Variants in NXPH1 observed in about 807,000 individuals in gnomAD.
NXPH1 encodes the protein neurexophilin-1.
NXPH1 carries 5 observed loss-of-function variants against 23.7 expected under a neutral mutation model. The observed-to-expected ratio is 0.21, with a 90% CI of 0.11 to 0.44. NXPH1 has a LOEUF of 0.44. NXPH1 is among the 20% of genes least tolerant of loss of function. NXPH1 has a pLI of 0.99. For missense variants in NXPH1, 324 were observed against 321.6 expected (o/e 1.01, Z -0.06); for synonymous variants, 144 against 122.2 (o/e 1.18, Z -1.18).
At chr7:8,530,381 G>A (rs1584214731) in intron 2 of NXPH1, among the ~76,000 whole-genome samples, 2 of 152,162 alleles carry the variant, frequency 1.3e-5, no homozygotes, top group Non-Finnish European at 2.9e-5. Context: ...TTGGTTCTAG[G>A]ACTAATTAGC....
intron 2 of NXPH1, among the ~76,000 whole-genome samples, chr7:8,662,194 A>ACACACG (rs1820688071): frequency 6.6e-6 from 1 of 151,206 alleles, no homozygotes. Flanking sequence ...ATATATACAC[A>ACACACG]CATATATATA....
chr7:8,674,203 A>ACC (rs1554264620), intron 2 of NXPH1, among the ~76,000 whole-genome samples: 38,094 of 115,120 alleles, frequency 0.33, 5,927 homozygotes, highest in Middle Eastern at 0.49. Context: ...ACACACACAC[A>ACC]CCTATGCAAT....
chr7:8,734,668 G>C (rs1360396760), intron 2 of NXPH1, among the ~76,000 whole-genome samples: 1 of 152,186 alleles, frequency 6.6e-6, no homozygotes, highest in Non-Finnish European at 1.5e-5. Flanking sequence ...TGTATATTCT[G>C]TTGATTTGGG....
intron 2 of NXPH1, among the ~76,000 whole-genome samples, chr7:8,703,727 C>T (rs1363010426): frequency 6.6e-6 from 1 of 152,062 alleles, no homozygotes; most frequent in African/African-American, 2.4e-5. Flanking sequence ...TCTTTAAACC[C>T]TTGTTTCAAA....
chr7:8,582,477 T>G (rs1343879693), intron 2 of NXPH1, among the ~76,000 whole-genome samples: 4 of 152,050 alleles, frequency 2.6e-5, no homozygotes. Flanking sequence ...AGCATGTAGC[T>G]CCTTTCTTCA....
At chr7:8,593,924 T>G (rs1442332851) in intron 2 of NXPH1, among the ~76,000 whole-genome samples, 1 of 152,046 alleles carries the variant, frequency 6.6e-6, no homozygotes, top group African/African-American at 2.4e-5. Context: ...AATACATATA[T>G]TTTTACAAAC....
At chr7:8,670,922 C>G (rs1410859263) in intron 2 of NXPH1, among the ~76,000 whole-genome samples, 1 of 152,164 alleles carries the variant, frequency 6.6e-6, no homozygotes, top group Non-Finnish European at 1.5e-5. Flanking sequence ...TAGGTAATAT[C>G]TAAGCTGATA....
chr7:8,538,948 A>G (rs1003402567), intron 2 of NXPH1, among the ~76,000 whole-genome samples: 1 of 151,924 alleles, frequency 6.6e-6, no homozygotes, highest in African/African-American at 2.4e-5. Flanking sequence ...GAAAAATATT[A>G]CTAGTGGTTG....
At chr7:8,674,162 GACACACACACAC>G (rs35790323) in intron 2 of NXPH1, among the ~76,000 whole-genome samples, 1,309 of 86,168 alleles carry the variant, frequency 0.015, 23 homozygotes, top group African/African-American at 0.036. Context: ...CAAACATATA[GACACACACACAC>G]ACACACACAC....
intron 2 of NXPH1, among the ~76,000 whole-genome samples, chr7:8,543,461 C>G (rs1225131462): frequency 6.6e-6 from 1 of 151,506 alleles, no homozygotes; most frequent in Non-Finnish European, 1.5e-5. Context: ...AGGTTTTAAA[C>G]TATAGTATAC....
chr7:8,475,124 C>T (rs1306514832), intron 2 of NXPH1, among the ~76,000 whole-genome samples: 1 of 152,076 alleles, frequency 6.6e-6, no homozygotes, highest in Non-Finnish European at 1.5e-5. Flanking sequence ...ATTCTCTTTG[C>T]CTTTTCACCT....
intron 2 of NXPH1, among the ~76,000 whole-genome samples, chr7:8,742,915 A>G (rs76167064): frequency 0.018 from 2,798 of 152,300 alleles, 84 homozygotes; most frequent in African/African-American, 0.062. Context: ...ATATCTCTTC[A>G]GTAAGCTGAA....
chr7:8,656,729 T>C (rs1218668208), intron 2 of NXPH1, among the ~76,000 whole-genome samples: 1 of 150,886 alleles, frequency 6.6e-6, no homozygotes, highest in Admixed American at 6.6e-5. Flanking sequence ...GAGTGTGATG[T>C]TCCCCTTCCT....
rs75589140 is a variant in NXPH1 at position 8,631,737 on chromosome 7, A to G, written c.55-119271A>G. 7.3e-3 allele frequency among the ~76,000 whole-genome samples: 1,117 copies of G among 152,286 alleles called. 11 individuals are homozygous for G. The highest frequency in any genetic ancestry group is 0.025 in the African/African-American group (1,044 of 41,576). ...GCAGGTGCTGTGGTCAACATCCAGAAAGCCATGGATTATTGGATATTCCAG... is the reference window on the plus strand; with the variant it reads ...GCAGGTGCTGTGGTCAACATCCAGAGAGCCATGGATTATTGGATATTCCAG... On this transcript the variant is annotated intron_variant, in intron 2 of 2. Transcript: ENST00000405863.
At chr7:8,568,706 A>C (rs1040603738) in intron 2 of NXPH1, among the ~76,000 whole-genome samples, 2 of 151,806 alleles carry the variant, frequency 1.3e-5, no homozygotes, top group African/African-American at 4.8e-5. Context: ...ATCAGTGCCA[A>C]AATGTTCAGT....
chr7:8,710,258 C>T (rs887029223), intron 2 of NXPH1, among the ~76,000 whole-genome samples: 1 of 152,118 alleles, frequency 6.6e-6, no homozygotes, highest in African/African-American at 2.4e-5. Context: ...TTCCTGATTC[C>T]ACACTGTTCA....
At chr7:8,528,454 A>G (rs1248524895) in intron 2 of NXPH1, among the ~76,000 whole-genome samples, 1 of 152,264 alleles carries the variant, frequency 6.6e-6, no homozygotes, top group Non-Finnish European at 1.5e-5. Context: ...AGTAAACAAC[A>G]TGTACAGACA....
chr7:8,541,350 C>T (rs925709928), intron 2 of NXPH1, among the ~76,000 whole-genome samples: 2 of 151,580 alleles, frequency 1.3e-5, no homozygotes, highest in Non-Finnish European at 3.0e-5. Context: ...GGGATAACTT[C>T]AAGCAACCTA....
intron 2 of NXPH1, among the ~76,000 whole-genome samples, chr7:8,581,368 T>C (rs1484825705): frequency 6.6e-6 from 1 of 152,106 alleles, no homozygotes; most frequent in Non-Finnish European, 1.5e-5. Flanking sequence ...TAGGGTGGCT[T>C]CGGAAACTTA....
Sources: gnomAD v4.1 joint callset for allele counts (sites outside exome capture counted in the v4.1 genomes callset) on GRCh38, gnomAD v4.1.1 for gene constraint, MANE v1.5 for transcripts, NCBI Gene and HGNC (gene_info 2026-07-23, HGNC 2026-07-21) for gene names.